The following CSMD1 variants were observed in gnomAD, a reference collection of about 807,000 sequenced individuals.
The protein encoded by CSMD1 is CUB and Sushi multiple domains 1, also known as CUB and sushi domain-containing protein 1.
A neutral mutation model predicts 417.5 loss-of-function variants in CSMD1; 213 were observed. The ratio of observed to expected loss-of-function variants is 0.51; its 90% CI spans 0.46 to 0.57. CSMD1 has a LOEUF of 0.57. Among genes scored for constraint, CSMD1 ranks in the 20% least tolerant of loss-of-function variants. The pLI, the probability that CSMD1 is intolerant of heterozygous loss-of-function variation, is 0.00. For missense variants in CSMD1, 6,923 were observed against 4,529.7 expected (o/e 1.53, Z -15.17); for synonymous variants, 2,862 against 1,736.8 (o/e 1.65, Z -16.11).
chr8:4,681,669 T>A (rs186605920), intron 1 of CSMD1, among the ~76,000 whole-genome samples: 2 of 151,766 alleles, frequency 1.3e-5, no homozygotes, highest in Admixed American at 6.6e-5. Context: ...CTCTCATACA[T>A]CCCCCCTTTT....
At chr8:3,956,142 A>G (rs1168380947) in intron 5 of CSMD1, among the ~76,000 whole-genome samples, 1 of 151,912 alleles carries the variant, frequency 6.6e-6, no homozygotes. Flanking sequence ...TCCTGGACCA[A>G]AATCTAATAA....
intron 3 of CSMD1, among the ~76,000 whole-genome samples, chr8:4,349,922 G>C (rs548121314): frequency 4.6e-4 from 69 of 151,130 alleles, no homozygotes; most frequent in African/African-American, 1.5e-3. Context: ...GTTGTGCTAT[G>C]ACCTTTATAC....
chr8:3,824,110 A>C (rs1405024979), intron 5 of CSMD1, among the ~76,000 whole-genome samples: 1 of 152,174 alleles, frequency 6.6e-6, no homozygotes, highest in Non-Finnish European at 1.5e-5. Context: ...TAGTCTCCTC[A>C]TGCTATGTCG....
intron 1 of CSMD1, among the ~76,000 whole-genome samples, chr8:4,860,876 C>T (rs1250915352): frequency 2.6e-5 from 4 of 152,096 alleles, no homozygotes; most frequent in East Asian, 3.9e-4. Flanking sequence ...CCTGCTTCTC[C>T]TGCTAGAGAA....
At chr8:4,755,899 T>C (rs1811636566) in intron 1 of CSMD1, among the ~76,000 whole-genome samples, 1 of 152,194 alleles carries the variant, frequency 6.6e-6, no homozygotes, top group South Asian at 2.1e-4. Context: ...TGCTCGGCCT[T>C]CAGTTTTTTC....
chr8:3,970,354 G>C lies in CSMD1; in HGVS notation c.818+27549C>G, dbSNP rs183270535. The stretch of plus-strand genomic sequence containing the variant: ...CCTATACCAGCATAAGATCGCAGCA[G>C]CTCATTTTGCAACTCCGACCAAACA... On this transcript the variant is annotated intron_variant, in intron 5 of 69. Coordinates refer to ENST00000635120, the MANE Select transcript of CSMD1 (RefSeq NM_033225.6). Among the ~76,000 whole-genome samples the C allele has an allele frequency of 2.6e-5, 4 of 152,288 alleles. No individual in the cohort carries two copies. In the East Asian group the frequency reaches 7.7e-4, roughly 29 times the overall value.
At chr8:4,628,570 G>C (rs1009233984) in intron 2 of CSMD1, among the ~76,000 whole-genome samples, 2 of 149,974 alleles carry the variant, frequency 1.3e-5, no homozygotes, top group Non-Finnish European at 3.0e-5. Context: ...TTCAGTGTAA[G>C]AATTTCAAGG....
chr8:4,193,473 A>G (rs930795580), intron 3 of CSMD1, among the ~76,000 whole-genome samples: 5 of 151,774 alleles, frequency 3.3e-5, no homozygotes, highest in African/African-American at 1.2e-4. Flanking sequence ...GGATGGAATG[A>G]TGGACATTAG....
At chr8:3,939,535 G>A (rs933644034) in intron 5 of CSMD1, among the ~76,000 whole-genome samples, 1 of 152,088 alleles carries the variant, frequency 6.6e-6, no homozygotes, top group Non-Finnish European at 1.5e-5. Context: ...CAAAGGAAAA[G>A]ACGTCATCAT....
chr8:4,274,347 G>A (rs565414524), intron 3 of CSMD1, among the ~76,000 whole-genome samples: 38 of 151,982 alleles, frequency 2.5e-4, no homozygotes, highest in African/African-American at 7.7e-4. Flanking sequence ...CTTTTTTTAC[G>A]TTTCACTTTT....
At chr8:3,266,590 G>C (rs182539784) in intron 26 of CSMD1, among the ~76,000 whole-genome samples, 6 of 119,452 alleles carry the variant, frequency 5.0e-5, no homozygotes, top group Non-Finnish European at 8.3e-5. Context: ...TGGTGGCAGA[G>C]TGAGACTCCC....
chr8:4,958,278 C>A (rs1455242064), intron 1 of CSMD1, among the ~76,000 whole-genome samples: 1 of 152,098 alleles, frequency 6.6e-6, no homozygotes, highest in South Asian at 2.1e-4. Flanking sequence ...TGAAAGTGCA[C>A]ATATTTGACA....
chr8:4,697,508 G>A (rs192945190), intron 1 of CSMD1, among the ~76,000 whole-genome samples: 2 of 152,222 alleles, frequency 1.3e-5, no homozygotes, highest in East Asian at 3.9e-4. Context: ...GCTTTAGGTG[G>A]AATTCTATGT....
At chr8:3,603,931 C>A (rs1245188509) in intron 8 of CSMD1, among the ~76,000 whole-genome samples, 2 of 152,120 alleles carry the variant, frequency 1.3e-5, no homozygotes, top group Admixed American at 1.3e-4. Flanking sequence ...GAAACAGCAG[C>A]TTTTTTATTG....
Position 4,034,402 on chromosome 8 carries a change from C to G in CSMD1, c.416-2303G>C, listed in dbSNP as rs183070250. Among the ~76,000 whole-genome samples the G allele has an allele frequency of 2.6e-4, 39 of 152,252 alleles. No individual in the cohort carries two copies. The East Asian group carries it at 6.6e-3, about 26-fold the overall frequency. On this transcript the variant is annotated intron_variant, in intron 3 of 69. Transcript: ENST00000635120. ...TACAGAAATCTGTTTGAAAACACAA[C>G]AGAAAATAGTTCACTATTGTCTGCA... is the stretch of plus-strand genomic sequence containing the variant.
At chr8:4,615,407 C>T (rs1219418678) in intron 2 of CSMD1, among the ~76,000 whole-genome samples, 1 of 152,152 alleles carries the variant, frequency 6.6e-6, no homozygotes, top group East Asian at 1.9e-4. Context: ...AAGAATAGCT[C>T]ACTGACTTGT....
At chr8:3,206,038 C>T (rs1200345319) in intron 30 of CSMD1, among the ~76,000 whole-genome samples, 1 of 152,058 alleles carries the variant, frequency 6.6e-6, no homozygotes, top group African/African-American at 2.4e-5. Context: ...ATATGGGAAT[C>T]AAAGGAAAAA....
At chr8:4,468,759 G>A (rs774245719) in intron 2 of CSMD1, among the ~76,000 whole-genome samples, 1 of 152,120 alleles carries the variant, frequency 6.6e-6, no homozygotes, top group Non-Finnish European at 1.5e-5. Flanking sequence ...TTCTATGTCT[G>A]AATCAGCTTA....
intron 26 of CSMD1, among the ~76,000 whole-genome samples, chr8:3,271,258 T>A (rs2117153313): frequency 6.6e-6 from 1 of 152,222 alleles, no homozygotes; most frequent in East Asian, 1.9e-4. Flanking sequence ...GCACATGAAC[T>A]CATCATTTTT....
Sources: gnomAD v4.1 joint callset for allele counts (sites outside exome capture counted in the v4.1 genomes callset) on GRCh38, gnomAD v4.1.1 for gene constraint, MANE v1.5 for transcripts, NCBI Gene and HGNC (gene_info 2026-07-23, HGNC 2026-07-21) for gene names.